CENPP: variants seen among roughly 807,000 people sequenced by gnomAD.
CENPP encodes the protein centromere protein P.
Under a neutral mutation model 35.6 loss-of-function variants are expected in CENPP, and 24 were observed. That is an observed-to-expected ratio of 0.67 (90% CI 0.49 to 0.95). The LOEUF (loss-of-function observed/expected upper bound fraction) is 0.95, where lower values mean the gene tolerates loss of function less well. CENPP is among the 40% of genes least tolerant of loss of function. The pLI is 0.00. For synonymous variants in CENPP, 120 were observed against 125.5 expected, an observed-to-expected ratio of 0.96 and a Z score of 0.29; for missense variants, 332 against 345.3, an observed-to-expected ratio of 0.96 and a Z score of 0.31.
At chr9:92,432,637 G>A (rs947665485) in intron 5 of CENPP, among the ~76,000 whole-genome samples, 4 of 152,100 alleles carry the variant, frequency 2.6e-5, no homozygotes, top group African/African-American at 4.8e-5. Flanking sequence ...TCATAGGCAC[G>A]GGGAGCAGCC....
chr9:92,354,407 C>T (rs921328777), intron 4 of CENPP, among the ~76,000 whole-genome samples: 3 of 152,192 alleles, frequency 2.0e-5, no homozygotes, highest in Non-Finnish European at 4.4e-5. Context: ...CCATGCGTAA[C>T]CTCCATCCCT....
At chr9:92,545,876 G>A (rs1315257764) in intron 5 of CENPP, among the ~76,000 whole-genome samples, 1 of 151,902 alleles carries the variant, frequency 6.6e-6, no homozygotes, top group African/African-American at 2.4e-5. Context: ...TCAGTGTTCT[G>A]TGTCTAGCTG....
intron 5 of CENPP, chr9:92,401,298 G>A: frequency 1.8e-6 from 1 of 560,646 alleles, no homozygotes. Flanking sequence ...TTTCCTTTGT[G>A]CTCCATTAGG....
At chr9:92,329,898 G>C (rs1374281943) in intron 1 of CENPP, among the ~76,000 whole-genome samples, 1 of 152,176 alleles carries the variant, frequency 6.6e-6, no homozygotes, top group Non-Finnish European at 1.5e-5. Flanking sequence ...ATCAGTCTAT[G>C]ATGGCAAATG....
At position 92,457,656 on chromosome 9, in the gene CENPP, A is replaced by T. The variant is rs548008613; in HGVS notation, c.564+77797A>T. 1.6e-4 allele frequency among the ~76,000 whole-genome samples: 24 copies of T among 152,332 alleles called. No homozygotes were observed. In the South Asian group the frequency reaches 5.0e-3, roughly 32 times the overall value. Reference sequence around the variant, plus strand: ...CACTTATGCATGTTAAATACCTATTATAAAAACTCAAGCTCATGTGTTGTA... The same window carrying T: ...CACTTATGCATGTTAAATACCTATTTTAAAAACTCAAGCTCATGTGTTGTA... On this transcript the variant is annotated intron_variant, in intron 5 of 7. Transcript: ENST00000375587.
chr9:92,362,365 T>TA (rs201532115), intron 4 of CENPP, among the ~76,000 whole-genome samples: 4 of 151,482 alleles, frequency 2.6e-5, no homozygotes, highest in East Asian at 1.9e-4. Flanking sequence ...GATTTGTCTC[T>TA]AAAAAAAAAG....
chr9:92,332,273 A>T lies in CENPP; in HGVS notation c.211A>T (p.Ser71Cys). ...TTTAGAATCAGAACTTTCATTTCTA[A>T]GTACGCTTACTGGCATCAATATAAG... ...GHLESELSFLSTLTGINIRNH... is the reference protein window; with the variant it reads ...GHLESELSFLCTLTGINIRNH... The change falls in exon 2 of 8, where the codon AGT becomes TGT. Residue 71 changes from serine (S) to cysteine (C), a missense_variant. Coordinates refer to ENST00000375587, the MANE Select transcript of CENPP (RefSeq NM_001012267.3). The T allele has an allele frequency of 1.2e-6, 2 of 1,613,204 alleles. No individual in the cohort carries two copies. Among genetic ancestry groups the T allele is most frequent in the Non-Finnish European group, 1.7e-6 (2 of 1,179,566 alleles).
At chr9:92,450,886 CAT>C in intron 5 of CENPP, among the ~76,000 whole-genome samples, 1 of 152,106 alleles carries the variant, frequency 6.6e-6, no homozygotes, top group Non-Finnish European at 1.5e-5. Flanking sequence ...TGGCTGCATA[CAT>C]GTCTTCTTTT....
At chr9:92,329,333 C>T (rs181071426) in intron 1 of CENPP, among the ~76,000 whole-genome samples, 8 of 151,728 alleles carry the variant, frequency 5.3e-5, no homozygotes, top group South Asian at 2.1e-4. Context: ...TACAGGCACC[C>T]GCCACCATGC....
At chr9:92,390,104 T>C in intron 5 of CENPP, 1 of 1,062,306 alleles carries the variant, frequency 9.4e-7, no homozygotes, top group South Asian at 1.4e-5. Flanking sequence ...AAAATTCTTA[T>C]TGTATGGACT....
At chr9:92,460,875 C>T (rs1588146515) in intron 5 of CENPP, among the ~76,000 whole-genome samples, 2 of 152,198 alleles carry the variant, frequency 1.3e-5, no homozygotes, top group South Asian at 4.2e-4. Flanking sequence ...GATGGGGTTT[C>T]ACCATGTTGG....
intron 5 of CENPP, among the ~76,000 whole-genome samples, chr9:92,438,364 C>T (rs1204845648): frequency 6.6e-6 from 1 of 152,132 alleles, no homozygotes; most frequent in Non-Finnish European, 1.5e-5. Context: ...TCTCCATTGT[C>T]AAAAATTAGT....
intron 5 of CENPP, among the ~76,000 whole-genome samples, chr9:92,383,576 C>T (rs976991649): frequency 1.1e-4 from 16 of 151,500 alleles, no homozygotes; most frequent in Admixed American, 7.2e-4. Flanking sequence ...TTTTTACTTT[C>T]TCTAATTATT....
At chr9:92,558,555 A>G (rs1260205795) in intron 5 of CENPP, among the ~76,000 whole-genome samples, 1 of 152,096 alleles carries the variant, frequency 6.6e-6, no homozygotes, top group Admixed American at 6.6e-5. Context: ...AGAGGGTGCA[A>G]TGGACACCAT....
intron 1 of CENPP, among the ~76,000 whole-genome samples, chr9:92,328,609 A>T (rs184054160): frequency 1.3e-3 from 202 of 152,362 alleles, no homozygotes; most frequent in African/African-American, 4.5e-3. Flanking sequence ...TTAGTAGACC[A>T]TTGACCTTTA....
chr9:92,327,478 C>T (rs1289245095), intron 1 of CENPP, among the ~76,000 whole-genome samples: 3 of 152,134 alleles, frequency 2.0e-5, no homozygotes, highest in Non-Finnish European at 2.9e-5. Context: ...TGAATATTCA[C>T]GAAGGGAGAT....
At chr9:92,582,769 G>T (rs548790710) in intron 5 of CENPP, among the ~76,000 whole-genome samples, 1 of 152,086 alleles carries the variant, frequency 6.6e-6, no homozygotes, top group African/African-American at 2.4e-5. Flanking sequence ...GCCCTAGTAC[G>T]CAAGGGAATG....
chr9:92,580,177 T>C (rs918559955), intron 5 of CENPP, among the ~76,000 whole-genome samples: 2 of 152,180 alleles, frequency 1.3e-5, no homozygotes, highest in Non-Finnish European at 2.9e-5. Flanking sequence ...GGATAAGCTT[T>C]TTCATGTGCT....
chr9:92,331,022 T>C (rs1840729233), intron 1 of CENPP, among the ~76,000 whole-genome samples: 1 of 151,728 alleles, frequency 6.6e-6, no homozygotes, highest in Admixed American at 6.6e-5. Context: ...TCAAGGAAAA[T>C]ATATTTATAT....
Sources: gnomAD v4.1 joint callset for allele counts (sites outside exome capture counted in the v4.1 genomes callset) on GRCh38, gnomAD v4.1.1 for gene constraint, MANE v1.5 for transcripts, NCBI Gene and HGNC (gene_info 2026-07-23, HGNC 2026-07-21) for gene names.